Variants in NPFFR2 observed in about 807,000 individuals in gnomAD.
The protein encoded by NPFFR2 is G-protein coupled receptor 74.
In NPFFR2, 15 loss-of-function variants were observed where a neutral mutation model predicts 13.1. That is an observed-to-expected ratio of 1.15 (90% confidence interval 0.77 to 1.76). NPFFR2 has a LOEUF of 1.76. Among genes scored for constraint, NPFFR2 ranks in the 40% most tolerant of loss-of-function variants. The probability of loss-of-function intolerance (pLI) is 0.00; values close to 1 mark genes in which losing one functional copy is unlikely to be tolerated. For missense variants in NPFFR2, 572 were observed against 503.5 expected, an observed-to-expected ratio of 1.14 and a Z score of -1.30; for synonymous variants, 190 against 175.7, an observed-to-expected ratio of 1.08 and a Z score of -0.65.
intron 3 of NPFFR2, among the ~76,000 whole-genome samples, chr4:72,141,588 C>A (rs1722625900): frequency 1.3e-5 from 2 of 152,048 alleles, no homozygotes; most frequent in South Asian, 4.2e-4. Flanking sequence ...GTTTCTTAAT[C>A]CTGAGTTCTA....
chr4:72,070,571 G>T (rs763040765), intron 1 of NPFFR2, among the ~76,000 whole-genome samples: 132,253 of 137,126 alleles, frequency 0.96, 64,072 homozygotes, highest in Non-Finnish European at 0.99. Context: ...GGGGGGGGGG[G>T]GTGGGGCTCT....
chr4:72,148,116 T>C lies in NPFFR2; in HGVS notation c.*304T>C, dbSNP rs1411336848. On this transcript the variant is annotated 3_prime_UTR_variant, in exon 4 of 4. Coordinates refer to ENST00000308744, the MANE Select transcript of NPFFR2 (RefSeq NM_004885.3). Reference sequence around the variant, plus strand: ...ATTTGTGTATGCGTCAAATCAAGCCTGCACGCGTGCGTGCATGTGTGTGTG... The same window carrying C: ...ATTTGTGTATGCGTCAAATCAAGCCCGCACGCGTGCGTGCATGTGTGTGTG... 1 of 253,690 alleles carries C rather than the reference T, an allele frequency of 3.9e-6. No homozygotes were observed. The highest frequency in any genetic ancestry group is 7.4e-6 in the Non-Finnish European group (1 of 134,372). The allele number at this position is 253,690 out of a possible 1,614,324, so 15.7% of individuals were successfully genotyped here. A position where few individuals can be genotyped will look rare whatever the true frequency, so the allele number is the denominator to read the frequency against.
At chr4:72,054,368 A>G (rs143106299) in intron 1 of NPFFR2, among the ~76,000 whole-genome samples, 3 of 151,948 alleles carry the variant, frequency 2.0e-5, no homozygotes, top group Non-Finnish European at 2.9e-5. Context: ...TGGATCCAAG[A>G]TAATTCAATT....
chr4:72,038,474 C>G (rs973815653), intron 1 of NPFFR2, among the ~76,000 whole-genome samples: 3 of 152,084 alleles, frequency 2.0e-5, no homozygotes, highest in African/African-American at 7.2e-5. Flanking sequence ...TATCCTGCAT[C>G]TTTTTACAGG....
chr4:72,113,991 C>T (rs1475427968), intron 1 of NPFFR2, among the ~76,000 whole-genome samples: 3 of 152,072 alleles, frequency 2.0e-5, no homozygotes, highest in South Asian at 2.1e-4. Context: ...TTACCAGGGA[C>T]ATTCTGTTAA....
At chr4:72,115,187 C>A (rs997241207) in intron 1 of NPFFR2, among the ~76,000 whole-genome samples, 1 of 151,978 alleles carries the variant, frequency 6.6e-6, no homozygotes, top group African/African-American at 2.4e-5. Flanking sequence ...GCTTTCATGG[C>A]TTTTTACTCA....
intron 1 of NPFFR2, among the ~76,000 whole-genome samples, chr4:72,075,372 C>T (rs1300827757): frequency 6.6e-6 from 1 of 152,114 alleles, no homozygotes; most frequent in Non-Finnish European, 1.5e-5. Flanking sequence ...TCCATTAGTT[C>T]TGTCCCTCTA....
intron 1 of NPFFR2, among the ~76,000 whole-genome samples, chr4:72,040,435 C>T (rs1337616019): frequency 1.3e-5 from 2 of 152,088 alleles, no homozygotes; most frequent in African/African-American, 4.8e-5. Flanking sequence ...TTTAAAATCT[C>T]ATATATAATG....
At chr4:72,109,243 CT>C (rs1721497647) in intron 1 of NPFFR2, among the ~76,000 whole-genome samples, 1 of 151,992 alleles carries the variant, frequency 6.6e-6, no homozygotes, top group African/African-American at 2.4e-5. Context: ...TATTCTTGAG[CT>C]TATTTATTTT....
chr4:72,080,024 T>C (rs1468630532), intron 1 of NPFFR2, among the ~76,000 whole-genome samples: 1 of 152,220 alleles, frequency 6.6e-6, no homozygotes, highest in East Asian at 1.9e-4. Context: ...AGCTCTTTGA[T>C]ATATAAATAA....
rs112230850 is a variant in NPFFR2, at chr4:72,055,354, A to C, written c.-8+23154A>C. Among the ~76,000 whole-genome samples the C allele has an allele frequency of 9.7e-4, 148 of 152,076 alleles. 1 individual carries two copies. Among genetic ancestry groups the C allele is most frequent in the African/African-American group, 3.5e-3 (145 of 41,512 alleles). On this transcript the variant is annotated intron_variant, in intron 1 of 3. Transcript: ENST00000308744. ...TGTGAACATGATCTGTAATGCTATT[A>C]TTGTAATTGTTTTGGGGTACCACAA... is the stretch of plus-strand genomic sequence containing the variant.
At chr4:72,045,713 A>G (rs1287290273) in intron 1 of NPFFR2, among the ~76,000 whole-genome samples, 1 of 144,048 alleles carries the variant, frequency 6.9e-6, no homozygotes, top group Non-Finnish European at 1.5e-5. Flanking sequence ...TAAAGTTTGA[A>G]TATCTCATGT....
chr4:72,069,594 C>T (rs914475269), intron 1 of NPFFR2, among the ~76,000 whole-genome samples: 9 of 152,076 alleles, frequency 5.9e-5, no homozygotes, highest in Admixed American at 1.3e-4. Flanking sequence ...AGTTTTAAAA[C>T]GTTTGCGATA....
chr4:72,049,925 G>A (rs954885284), intron 1 of NPFFR2, among the ~76,000 whole-genome samples: 1 of 151,986 alleles, frequency 6.6e-6, no homozygotes, highest in African/African-American at 2.4e-5. Context: ...AACTACACTT[G>A]AATTTATGTC....
chr4:72,077,888 TAAAG>T (rs981666916), intron 1 of NPFFR2, among the ~76,000 whole-genome samples: 7 of 152,106 alleles, frequency 4.6e-5, no homozygotes, highest in South Asian at 2.1e-4. Flanking sequence ...TTTACTCAGA[TAAAG>T]AAAGTGAAAA....
intron 1 of NPFFR2, among the ~76,000 whole-genome samples, chr4:72,102,735 T>C (rs569688567): frequency 6.7e-4 from 102 of 152,110 alleles, no homozygotes; most frequent in African/African-American, 2.3e-3. Context: ...TATTCCATGG[T>C]GTATATGTGC....
chr4:72,130,674 G>A (rs895665329), intron 2 of NPFFR2, among the ~76,000 whole-genome samples: 7 of 152,176 alleles, frequency 4.6e-5, no homozygotes, highest in Non-Finnish European at 4.4e-5. Flanking sequence ...GCATGCAGGT[G>A]AGAGGGTGCA....
rs116785310 is a variant in NPFFR2, at chr4:72,145,567, C to T, written c.429-1411C>T. Among the ~76,000 whole-genome samples the T allele has an allele frequency of 2.0e-3, 307 of 152,038 alleles. 2 individuals are homozygous for T. The highest frequency in any genetic ancestry group is 3.7e-3 in the Non-Finnish European group (249 of 67,974). ...GTCTATGAAATTACCCATAATTTCA[C>T]GGCAGGTGAATGGGAGAATTCTTGG... On this transcript the variant is annotated intron_variant, in intron 3 of 3. Transcript: ENST00000308744.
chr4:72,072,151 A>G (rs1720275697), intron 1 of NPFFR2, among the ~76,000 whole-genome samples: 2 of 152,280 alleles, frequency 1.3e-5, no homozygotes, highest in South Asian at 4.1e-4. Flanking sequence ...TAACATGTCT[A>G]GTTTTCACCA....
Sources: gnomAD v4.1 joint callset for allele counts (sites outside exome capture counted in the v4.1 genomes callset) on GRCh38, gnomAD v4.1.1 for gene constraint, MANE v1.5 for transcripts, NCBI Gene and HGNC (gene_info 2026-07-23, HGNC 2026-07-21) for gene names.